IGF1: variants seen among roughly 807,000 people sequenced by gnomAD.
IGF1 encodes the protein insulin like growth factor 1.
IGF1 carries 4 observed loss-of-function variants against 13.8 expected under a neutral mutation model. The observed-to-expected ratio is 0.29, with a 90% CI of 0.14 to 0.66. IGF1 has a LOEUF of 0.66. Among genes scored for constraint, IGF1 ranks in the 30% least tolerant of loss-of-function variants. The pLI is 0.78. For missense variants in IGF1, 124 were observed against 188.5 expected (o/e 0.66, Z 2.00); for synonymous variants, 76 against 72.6 (o/e 1.05, Z -0.23).
intron 2 of IGF1, among the ~76,000 whole-genome samples, chr12:102,449,536 T>C (rs114708748): frequency 0.017 from 2,614 of 151,572 alleles, 67 homozygotes; most frequent in African/African-American, 0.061. Flanking sequence ...GAACTTAAAG[T>C]ATAATAATAA....
chr12:102,412,406 G>A (rs972789067), intron 3 of IGF1, among the ~76,000 whole-genome samples: 18 of 151,390 alleles, frequency 1.2e-4, no homozygotes, highest in African/African-American at 2.7e-4. Context: ...ACACACACGC[G>A]CACACACACA....
chr12:102,468,425 G>C (rs1451418275), intron 2 of IGF1, among the ~76,000 whole-genome samples: 1 of 152,214 alleles, frequency 6.6e-6, no homozygotes, highest in African/African-American at 2.4e-5. Flanking sequence ...GAAAAAGTAA[G>C]AGGGGCAGCT....
rs1873156202 is a variant in IGF1, at chr12:102,396,067, A to T, written c.*6440T>A. The T allele has an allele frequency of 6.6e-6, 1 of 152,330 alleles. No homozygotes were observed. Among genetic ancestry groups the T allele is most frequent in the Admixed American group, 6.5e-5 (1 of 15,298 alleles). 9.4% of individuals were successfully genotyped at this position (152,330 alleles called of 1,614,324 possible). On this transcript the variant is annotated 3_prime_UTR_variant, in exon 4 of 4. Transcript: ENST00000337514. ...TAAGTGAATTGAATAATAATTTCAA[A>T]TACAATCAGAATTAATTTAATAAAA...
chr12:102,423,035 C>T (rs1875869361), intron 2 of IGF1: 1 of 152,002 alleles, frequency 6.6e-6, no homozygotes, highest in Non-Finnish European at 1.5e-5. Context: ...CTATGTTGAA[C>T]ACAGTGGATG....
intron 2 of IGF1, among the ~76,000 whole-genome samples, chr12:102,469,238 C>G (rs1358478494): frequency 6.6e-6 from 1 of 152,158 alleles, no homozygotes; most frequent in African/African-American, 2.4e-5. Context: ...CCCATTACTA[C>G]GACTCTAATA....
At chr12:102,456,221 G>GGTAGGT (rs948000093) in intron 2 of IGF1, among the ~76,000 whole-genome samples, 1 of 140,188 alleles carries the variant, frequency 7.1e-6, no homozygotes, top group African/African-American at 2.6e-5. Context: ...ATTTAAAAAA[G>GGTAGGT]GTGTGTGTGT....
At chr12:102,466,780 A>G (rs1592826729) in intron 2 of IGF1, among the ~76,000 whole-genome samples, 1 of 151,996 alleles carries the variant, frequency 6.6e-6, no homozygotes, top group East Asian at 1.9e-4. Context: ...GCATGCGCCT[A>G]TGGTCCCAGC....
At chr12:102,411,803 G>A (rs1362481193) in intron 3 of IGF1, among the ~76,000 whole-genome samples, 1 of 152,144 alleles carries the variant, frequency 6.6e-6, no homozygotes, top group African/African-American at 2.4e-5. Context: ...TCCTTTATCT[G>A]ACCCAATGGG....
At chr12:102,456,393 G>A (rs541016504) in intron 2 of IGF1, among the ~76,000 whole-genome samples, 1 of 152,188 alleles carries the variant, frequency 6.6e-6, no homozygotes, top group East Asian at 1.9e-4. Flanking sequence ...AAATACTTCA[G>A]GGAGGAAAAG....
At chr12:102,457,060 C>T (rs1045374663) in intron 2 of IGF1, among the ~76,000 whole-genome samples, 5 of 152,186 alleles carry the variant, frequency 3.3e-5, no homozygotes, top group African/African-American at 1.2e-4. Context: ...GAGAGAATTG[C>T]CTGACAGAAC....
chr12:102,452,540 AAC>A (rs1444343004), intron 2 of IGF1, among the ~76,000 whole-genome samples: 13 of 152,106 alleles, frequency 8.5e-5, no homozygotes, highest in Non-Finnish European at 1.6e-4. Flanking sequence ...GCAGATCTGT[AAC>A]ACTCAATCTG....
At chr12:102,449,407 A>C (rs1302391175) in intron 2 of IGF1, among the ~76,000 whole-genome samples, 2 of 151,904 alleles carry the variant, frequency 1.3e-5, no homozygotes, top group African/African-American at 4.8e-5. Context: ...GGGTGGGGGC[A>C]AGGGAAGGGA....
At chr12:102,403,363 T>A (rs995433087) in intron 3 of IGF1, among the ~76,000 whole-genome samples, 4 of 152,176 alleles carry the variant, frequency 2.6e-5, no homozygotes, top group Non-Finnish European at 5.9e-5. Flanking sequence ...GTCATCTTTA[T>A]TGGAAAGTAA....
At chr12:102,426,156 G>A (rs1210483448) in intron 2 of IGF1, among the ~76,000 whole-genome samples, 2 of 152,194 alleles carry the variant, frequency 1.3e-5, no homozygotes, top group Non-Finnish European at 2.9e-5. Context: ...AGCAATATGT[G>A]AAGTGGCTAA....
chr12:102,410,241 A>C (rs899750667), intron 3 of IGF1, among the ~76,000 whole-genome samples: 24 of 152,136 alleles, frequency 1.6e-4, no homozygotes, highest in African/African-American at 5.3e-4. Context: ...TGCTGACAAG[A>C]GGTGTTTATG....
chr12:102,438,425 T>C lies in IGF1; in HGVS notation c.221-18735A>G, dbSNP rs79430957. 2.2e-3 allele frequency among the ~76,000 whole-genome samples: 340 copies of C among 152,332 alleles called. 1 individual carries two copies. The highest frequency in any genetic ancestry group is 7.8e-3 in the African/African-American group (323 of 41,572). On this transcript the variant is annotated intron_variant, in intron 2 of 3. Transcript: ENST00000337514. ...GTGCAAAAAGCTTAGGAAACGGCTG[T>C]AAACGTTATCTTATTTTGCAGAGTC... is the stretch of plus-strand genomic sequence containing the variant.
intron 2 of IGF1, among the ~76,000 whole-genome samples, chr12:102,452,029 G>A (rs1878984440): frequency 1.3e-5 from 2 of 152,042 alleles, no homozygotes; most frequent in South Asian, 2.1e-4. Flanking sequence ...TTGGGAGGCC[G>A]AGGCGGGCGG....
At chr12:102,479,459 G>A (rs5742614) in intron 1 of IGF1, among the ~76,000 whole-genome samples, 2 of 152,192 alleles carry the variant, frequency 1.3e-5, no homozygotes, top group East Asian at 3.9e-4. Context: ...ATGGAAACTA[G>A]AACTACGGCC....
At chr12:102,449,896 G>T (rs762678779) in intron 2 of IGF1, among the ~76,000 whole-genome samples, 5 of 152,016 alleles carry the variant, frequency 3.3e-5, no homozygotes, top group Non-Finnish European at 7.4e-5. Flanking sequence ...AAGCACAAAT[G>T]TGCGTAGGTA....
Sources: gnomAD v4.1 joint callset for allele counts (sites outside exome capture counted in the v4.1 genomes callset) on GRCh38, gnomAD v4.1.1 for gene constraint, MANE v1.5 for transcripts, NCBI Gene and HGNC (gene_info 2026-07-23, HGNC 2026-07-21) for gene names.